The following TRDN variants were observed in gnomAD, a reference collection of about 807,000 sequenced individuals.
The protein encoded by TRDN is triadin.
A neutral mutation model predicts 149.7 loss-of-function variants in TRDN; 161 were observed. The observed-to-expected ratio is 1.08, with a 90% CI of 0.95 to 1.23. The LOEUF is 1.23. Ranked by LOEUF, TRDN falls within the 50% of genes most tolerant of loss-of-function variation. The pLI, the probability that TRDN is intolerant of heterozygous loss-of-function variation, is 0.00. For missense variants in TRDN, 896 were observed against 823.5 expected (o/e 1.09, Z -1.08); for synonymous variants, 294 against 250.5 (o/e 1.17, Z -1.64).
chr6:123,265,510 C>T (rs995742762), intron 32 of TRDN, among the ~76,000 whole-genome samples, 172 bp from the exon 33 acceptor site: 1 of 151,200 alleles, frequency 6.6e-6, no homozygotes, highest in Non-Finnish European at 1.5e-5. Context: ...TATCATACTC[C>T]CAATGAGTTT....
chr6:123,273,228 G>A, intron 28 of TRDN, 109 bp downstream of exon 28: 2 of 883,866 alleles, frequency 2.3e-6, no homozygotes, highest in South Asian at 3.9e-5. Flanking sequence ...AACACAGGCT[G>A]TAATAAAACA....
chr6:123,399,877 G>A (rs914263531), intron 12 of TRDN, among the ~76,000 whole-genome samples: 3 of 152,000 alleles, frequency 2.0e-5, no homozygotes, highest in African/African-American at 7.2e-5. Context: ...TTAAAAGCAA[G>A]CATTCTGACC....
At chr6:123,601,025 T>C (rs9490832) in intron 1 of TRDN, among the ~76,000 whole-genome samples, 1,769 of 152,192 alleles carry the variant, frequency 0.012, 34 homozygotes, top group African/African-American at 0.04. Context: ...ATGTTGTATC[T>C]ACCTAATTCC....
chr6:123,423,964 C>A (rs1379468990), intron 12 of TRDN, among the ~76,000 whole-genome samples: 1 of 152,050 alleles, frequency 6.6e-6, no homozygotes, highest in Non-Finnish European at 1.5e-5. Flanking sequence ...ACAGGTGGAA[C>A]AATGACAGTA....
intron 7 of TRDN, among the ~76,000 whole-genome samples, chr6:123,508,424 A>C (rs575958093): frequency 4.6e-5 from 7 of 152,274 alleles, no homozygotes; most frequent in Admixed American, 4.6e-4. Flanking sequence ...GAAAGCGATA[A>C]AATGTCTTCC....
chr6:123,466,372 A>T (rs1776812571), intron 9 of TRDN, among the ~76,000 whole-genome samples: 1 of 152,188 alleles, frequency 6.6e-6, no homozygotes, highest in Non-Finnish European at 1.5e-5. Flanking sequence ...TAATCTTCAC[A>T]AGCTCTTTGG....
chr6:123,516,345 T>C (rs1779409191), intron 5 of TRDN, 139 bp from the exon 6 acceptor site: 5 of 1,081,788 alleles, frequency 4.6e-6, no homozygotes, highest in Non-Finnish European at 4.8e-6. Context: ...TTTATGTAGT[T>C]AGAGGTTTAA....
chr6:123,525,909 T>C (rs1394940781), intron 5 of TRDN, among the ~76,000 whole-genome samples: 2 of 152,072 alleles, frequency 1.3e-5, no homozygotes, highest in African/African-American at 4.8e-5. Context: ...CTCTAAAGTA[T>C]AACTATATCC....
chr6:123,429,749 G>C (rs1167950551), intron 12 of TRDN, among the ~76,000 whole-genome samples: 1 of 152,072 alleles, frequency 6.6e-6, no homozygotes, highest in East Asian at 1.9e-4. Context: ...ATTTGCAAGA[G>C]ACTACTGTAT....
intron 24 of TRDN, among the ~76,000 whole-genome samples, chr6:123,313,085 C>T (rs1404479475): frequency 6.6e-6 from 1 of 151,966 alleles, no homozygotes; most frequent in Non-Finnish European, 1.5e-5. Context: ...GCTATTAATA[C>T]TTGTGATTGC....
chr6:123,343,999 C>T (rs1780160977), intron 21 of TRDN, among the ~76,000 whole-genome samples: 2 of 152,018 alleles, frequency 1.3e-5, no homozygotes, highest in Admixed American at 1.3e-4. Flanking sequence ...CTCTCTTGCC[C>T]TCTTTCTGCA....
At chr6:123,296,957 C>A (rs542819537) in intron 24 of TRDN, among the ~76,000 whole-genome samples, 1 of 152,046 alleles carries the variant, frequency 6.6e-6, no homozygotes, top group African/African-American at 2.4e-5. Context: ...AGAAAAGTGA[C>A]CTGATAGATA....
chr6:123,303,329 T>C (rs961164765), intron 24 of TRDN, among the ~76,000 whole-genome samples: 1 of 152,200 alleles, frequency 6.6e-6, no homozygotes, highest in Non-Finnish European at 1.5e-5. Flanking sequence ...ATAATGTTGT[T>C]GGACCTACTG....
At chr6:123,454,981 T>C (rs1583058971) in intron 10 of TRDN, among the ~76,000 whole-genome samples, 2 of 152,186 alleles carry the variant, frequency 1.3e-5, no homozygotes, top group East Asian at 1.9e-4. Flanking sequence ...GTTTCTCTCC[T>C]GCAACATGGA....
chr6:123,625,207 C>T (rs2114723812), intron 1 of TRDN, among the ~76,000 whole-genome samples: 1 of 152,098 alleles, frequency 6.6e-6, no homozygotes, highest in South Asian at 2.1e-4. Flanking sequence ...TTTAGTTATA[C>T]TAAATTATTT....
At chr6:123,623,625 A>T (rs1250319865) in intron 1 of TRDN, among the ~76,000 whole-genome samples, 1 of 152,178 alleles carries the variant, frequency 6.6e-6, no homozygotes, top group African/African-American at 2.4e-5. Context: ...AGTTTAAGAA[A>T]TCAAATACTT....
At chr6:123,289,121 A>G (rs564465518) in intron 24 of TRDN, among the ~76,000 whole-genome samples, 6 of 147,208 alleles carry the variant, frequency 4.1e-5, no homozygotes, top group Admixed American at 3.4e-4. Flanking sequence ...TGTATAGTGT[A>G]TATATATAAA....
rs999071329 is a variant in TRDN, at chr6:123,536,697, A to G, written c.425-6132T>C. ...GAAACTCCATCTCTACAATAAATAAATAAATAAATAAATAAATAAATAAAT... is the reference window on the plus strand; with the variant it reads ...GAAACTCCATCTCTACAATAAATAAGTAAATAAATAAATAAATAAATAAAT... On this transcript the variant is annotated intron_variant, in intron 4 of 40. Coordinates refer to ENST00000334268, the MANE Select transcript of TRDN (RefSeq NM_006073.4). Among the ~76,000 whole-genome samples the G allele has an allele frequency of 5.8e-3, 845 of 146,616 alleles. 5 individuals are homozygous for G. The highest frequency in any genetic ancestry group is 0.02 in the African/African-American group (800 of 40,110).
chr6:123,304,139 GAA>G (rs1433459341), intron 24 of TRDN, among the ~76,000 whole-genome samples: 1 of 151,930 alleles, frequency 6.6e-6, no homozygotes, highest in Non-Finnish European at 1.5e-5. Context: ...CAATTTTAAG[GAA>G]AATGTTTTGC....
Sources: gnomAD v4.1 joint callset for allele counts (sites outside exome capture counted in the v4.1 genomes callset) on GRCh38, gnomAD v4.1.1 for gene constraint, MANE v1.5 for transcripts, NCBI Gene and HGNC (gene_info 2026-07-23, HGNC 2026-07-21) for gene names.